Variants in NSD2 observed in about 807,000 individuals in gnomAD.
NSD2 encodes the protein histone-lysine N-methyltransferase NSD2.
A neutral mutation model predicts 139.0 loss-of-function variants in NSD2; 12 were observed. The observed-to-expected ratio is 0.09, with a 90% confidence interval of 0.06 to 0.14. The LOEUF is 0.14. NSD2 is among the 10% of genes least tolerant of loss of function. The pLI, the probability that NSD2 is intolerant of heterozygous loss-of-function variation, is 1.00. For missense variants in NSD2, 1,155 were observed against 1,745.0 expected, an observed-to-expected ratio of 0.66 and a Z score of 6.02; for synonymous variants, 669 against 648.7, an observed-to-expected ratio of 1.03 and a Z score of -0.48.
chr4:1,881,195 A>G (rs1432626224), intron 1 of NSD2, among the ~76,000 whole-genome samples: 1 of 152,168 alleles, frequency 6.6e-6, no homozygotes, highest in Admixed American at 6.5e-5. Context: ...CTCCCACCTC[A>G]GCCTCCTGCG....
At chr4:1,872,509 T>C (rs1433232855) in intron 1 of NSD2, among the ~76,000 whole-genome samples, 1 of 151,282 alleles carries the variant, frequency 6.6e-6, no homozygotes, top group African/African-American at 2.4e-5. Context: ...AGTGGAAACA[T>C]AGTATCAAAA....
At chr4:1,939,867 A>G (rs1264903651) in intron 9 of NSD2, 89 bp downstream of exon 9, 13 of 1,602,786 alleles carry the variant, frequency 8.1e-6, no homozygotes, top group Non-Finnish European at 1.1e-5. Flanking sequence ...CTCAGACTTC[A>G]TAAGCGCAGC....
chr4:1,887,890 G>C (rs1463348119), intron 1 of NSD2, among the ~76,000 whole-genome samples: 1 of 151,838 alleles, frequency 6.6e-6, no homozygotes, highest in African/African-American at 2.4e-5. Flanking sequence ...AGTTACACTA[G>C]ATCTGTCAGT....
rs935942211 is a variant in NSD2, at chr4:1,973,910, C to A, written c.3373-953C>A. Among the ~76,000 whole-genome samples, 1 of 152,210 alleles carries A rather than the reference C, an allele frequency of 6.6e-6. No individual in the cohort carries two copies. The highest frequency in any genetic ancestry group is 2.4e-5 in the African/African-American group (1 of 41,456). Reference sequence around the variant, plus strand: ...GGAGGCCGGGGCCGTCCATTCCCTGCTGCTGGGTGGAGATGTTGTCTCCAG... The same window carrying A: ...GGAGGCCGGGGCCGTCCATTCCCTGATGCTGGGTGGAGATGTTGTCTCCAG... On this transcript the variant is annotated intron_variant, in intron 18 of 21. Transcript: ENST00000508803. The surrounding 1 kb of genome is among the most constrained non-coding windows in gnomAD (Gnocchi z 5.5).
chr4:1,942,983 AT>A lies in NSD2; in HGVS notation c.1881+3206del. The stretch of plus-strand genomic sequence containing the variant: ...AGATACAGTAAATTTTTAGAAAAAA[AT>A]ACCATTTACAGTATTATTGTGAACC... On this transcript the variant is annotated intron_variant, in intron 9 of 21. Coordinates refer to ENST00000508803, the MANE Select transcript of NSD2 (RefSeq NM_001042424.3). The surrounding 1 kb of genome is among the most constrained non-coding windows in gnomAD (Gnocchi z 4.0). 9.5e-7 allele frequency: 1 copy of A among 1,051,998 alleles called. No homozygotes were observed. The highest frequency in any genetic ancestry group is 1.7e-5 in the African/African-American group (1 of 60,424). 65.2% of individuals were successfully genotyped at this position (1,051,998 alleles called of 1,614,324 possible). A position where few individuals can be genotyped will look rare whatever the true frequency, so the allele number is the denominator to read the frequency against.
Position 1,940,400 on chromosome 4 carries a change from G to A in NSD2, c.1881+622G>A, listed in dbSNP as rs1034400943. ...ATGATAGCAAAATAAAGCCATTTGG[G>A]GCTGCTGCCTGCCATCATTGTAACA... On this transcript the variant is annotated intron_variant, in intron 9 of 21. Coordinates refer to ENST00000508803, the MANE Select transcript of NSD2 (RefSeq NM_001042424.3). The A allele has an allele frequency of 4.7e-6, 5 of 1,063,450 alleles. No homozygotes were observed. In the South Asian group the frequency reaches 1.8e-4, roughly 39 times the overall value. The allele number at this position is 1,063,450 out of a possible 1,614,324, so 65.9% of individuals were successfully genotyped here. A position where few individuals can be genotyped will look rare whatever the true frequency, so the allele number is the denominator to read the frequency against.
At position 1,978,994 on chromosome 4, in the gene NSD2, G is replaced by A. The variant is rs1216425163; in HGVS notation, c.*85G>A. The A allele has an allele frequency of 2.8e-6, 4 of 1,421,698 alleles. No individual in the cohort carries two copies. The highest frequency in any genetic ancestry group is 2.9e-5 in the Admixed American group (1 of 34,204). The allele number at this position is 1,421,698 out of a possible 1,614,324, so 88.1% of individuals were successfully genotyped here. A position where few individuals can be genotyped will look rare whatever the true frequency, so the allele number is the denominator to read the frequency against. On this transcript the variant is annotated 3_prime_UTR_variant, in exon 22 of 22. Coordinates refer to ENST00000508803, the MANE Select transcript of NSD2 (RefSeq NM_001042424.3). Reference sequence around the variant, plus strand: ...GGAGAGGGCGAGCATGAACTGGCCCGGAGGACCCAGCTCGAGCCGCCAGGA... The same window carrying A: ...GGAGAGGGCGAGCATGAACTGGCCCAGAGGACCCAGCTCGAGCCGCCAGGA...
chr4:1,917,754 A>G (rs888279340), intron 4 of NSD2, among the ~76,000 whole-genome samples: 1 of 150,254 alleles, frequency 6.7e-6, no homozygotes, highest in South Asian at 2.1e-4. Flanking sequence ...TATTTCTAAA[A>G]TTATGTGAAA....
intron 9 of NSD2, among the ~76,000 whole-genome samples, chr4:1,949,742 C>A (rs1382787128): frequency 6.7e-6 from 1 of 148,640 alleles, no homozygotes; most frequent in African/African-American, 2.5e-5. Flanking sequence ...CCAGCCTGGG[C>A]GACAGAGCAA....
intron 9 of NSD2, chr4:1,946,831 A>C: frequency 9.5e-7 from 1 of 1,056,706 alleles, no homozygotes; most frequent in Non-Finnish European, 1.1e-6. Flanking sequence ...GTGTCTCTCC[A>C]ACAGCCCGAC....
In NSD2 at chr4:1,948,736, T is replaced by G; in HGVS notation, c.1882-2336T>G. 2 of 1,050,138 alleles carry G rather than the reference T, an allele frequency of 1.9e-6. No homozygotes were observed. Among genetic ancestry groups the G allele is most frequent in the Non-Finnish European group, 2.3e-6 (2 of 868,702 alleles). The allele number at this position is 1,050,138 out of a possible 1,614,324, so 65.1% of individuals were successfully genotyped here. A position where few individuals can be genotyped will look rare whatever the true frequency, so the allele number is the denominator to read the frequency against. On this transcript the variant is annotated intron_variant, in intron 9 of 21. Coordinates refer to ENST00000508803, the MANE Select transcript of NSD2 (RefSeq NM_001042424.3). This position sits in a 1 kb window ranked among gnomAD's most constrained non-coding sequence, Gnocchi z 4.5. The stretch of plus-strand genomic sequence containing the variant: ...GTGTTTATTTCCTCAAAACAGACTT[T>G]GTTAATGTAGGAAATCTCTCCAAGT...
chr4:1,931,090 G>A (rs1053515597), intron 6 of NSD2, among the ~76,000 whole-genome samples: 1 of 152,166 alleles, frequency 6.6e-6, no homozygotes, highest in African/African-American at 2.4e-5. Flanking sequence ...GAAGGGGAGG[G>A]AAGGTCGTCT....
intron 2 of NSD2, among the ~76,000 whole-genome samples, chr4:1,902,372 C>T (rs1303552964): frequency 6.6e-6 from 1 of 152,060 alleles, no homozygotes; most frequent in Non-Finnish European, 1.5e-5. Context: ...CACAGGTGTG[C>T]ACCACTATAT....
At position 1,980,401 on chromosome 4, in the gene NSD2, G is replaced by A. The variant is rs776021906; in HGVS notation, c.*1492G>A. 4.3e-6 allele frequency: 1 copy of A among 233,238 alleles called. No individual in the cohort carries two copies. Among genetic ancestry groups the A allele is most frequent in the East Asian group, 6.0e-5 (1 of 16,576 alleles). 14.4% of individuals were successfully genotyped at this position (233,238 alleles called of 1,614,324 possible). ...GGAGGGAGAGAACATTCAGCAGCAG[G>A]TGCTTTTTTATGGCCTTTTCTTAAA... On this transcript the variant is annotated 3_prime_UTR_variant, in exon 22 of 22. Transcript: ENST00000508803.
Position 1,961,118 on chromosome 4 carries a change from C to G in NSD2, c.3339C>G (p.Asp1113Glu). 3 of 1,613,378 alleles carry G rather than the reference C, an allele frequency of 1.9e-6. No homozygotes were observed. The highest frequency in any genetic ancestry group is 2.5e-6 in the Non-Finnish European group (3 of 1,179,364). Residue 1113 changes from aspartate to glutamate, a missense_variant, in exon 18 of 22, where the codon GAC becomes GAG. Coordinates refer to ENST00000508803, the MANE Select transcript of NSD2 (RefSeq NM_001042424.3). ...MARIKHAHEN[D>E]ITHFYMLTID... ...GAATCAAGCACGCACACGAGAACGA[C>G]ATCACCCACTTCTACATGCTCACTA...
chr4:1,899,850 AGT>A (rs1716926707), intron 1 of NSD2, among the ~76,000 whole-genome samples: 1 of 152,202 alleles, frequency 6.6e-6, no homozygotes, highest in Non-Finnish European at 1.5e-5. Context: ...GTTGTTCTCA[AGT>A]AGTTAATCTT....
At chr4:1,951,515 CACACACACAA>C (rs1245212047) in intron 10 of NSD2, among the ~76,000 whole-genome samples, 17 of 128,190 alleles carry the variant, frequency 1.3e-4, no homozygotes, top group East Asian at 2.2e-4. Flanking sequence ...CACACACACA[CACACACACAA>C]AGTTCCTGTT....
intron 9 of NSD2, chr4:1,944,449 TTTTG>T: frequency 1.9e-6 from 2 of 1,065,280 alleles, no homozygotes; most frequent in Non-Finnish European, 2.3e-6. Context: ...TTGAGGTGAA[TTTTG>T]TTTGTCATAC....
chr4:1,909,264 C>G (rs948613127), intron 3 of NSD2, among the ~76,000 whole-genome samples: 3 of 151,796 alleles, frequency 2.0e-5, no homozygotes, highest in Non-Finnish European at 4.4e-5. Flanking sequence ...TTCCCACCAC[C>G]CCCCCCAACC....
Sources: gnomAD v4.1 joint callset for allele counts (sites outside exome capture counted in the v4.1 genomes callset) on GRCh38, gnomAD v4.1.1 for gene constraint, Gnocchi (gnomAD v3.1) non-coding constraint, MANE v1.5 for transcripts, NCBI Gene and HGNC (gene_info 2026-07-23, HGNC 2026-07-21) for gene names.